DCAF17: variants seen among roughly 807,000 people sequenced by gnomAD.
DCAF17 encodes the protein DDB1 and CUL4 associated factor 17, also known as DDB1- and CUL4-associated factor 17.
In DCAF17, 48 loss-of-function variants were observed where a neutral mutation model predicts 66.0. The ratio of observed to expected loss-of-function variants is 0.73; its 90% CI spans 0.58 to 0.92. The LOEUF (loss-of-function observed/expected upper bound fraction) is 0.92, where lower values mean the gene tolerates loss of function less well. Ranked by LOEUF, DCAF17 falls within the 40% of genes least tolerant of loss-of-function variation. The probability of loss-of-function intolerance (pLI) is 0.00; values close to 1 mark genes in which losing one functional copy is unlikely to be tolerated. For missense variants in DCAF17, 562 were observed against 622.8 expected, an observed-to-expected ratio of 0.90 and a Z score of 1.04; for synonymous variants, 206 against 214.6, an observed-to-expected ratio of 0.96 and a Z score of 0.35.
At position 171,470,755 on chromosome 2, in the gene DCAF17, C is replaced by T. The variant is rs190507277; in HGVS notation, c.981+1725C>T. On this transcript the variant is annotated intron_variant, in intron 9 of 13. Transcript: ENST00000375255. ...CAGTTCACATTCTGGACATTTAACA[C>T]GTATTCTTTTTTATAAGAACTGATA... is the stretch of plus-strand genomic sequence containing the variant. Among the ~76,000 whole-genome samples the T allele has an allele frequency of 1.2e-4, 18 of 152,226 alleles. No individual in the cohort carries two copies. The East Asian group carries it at 2.1e-3, about 18-fold the overall frequency.
chr2:171,467,683 T>A (rs1262752645), intron 8 of DCAF17, among the ~76,000 whole-genome samples: 1 of 147,906 alleles, frequency 6.8e-6, no homozygotes, highest in East Asian at 2.0e-4. Flanking sequence ...TGAGCCAAGA[T>A]TGTGCTACTG....
intron 9 of DCAF17, among the ~76,000 whole-genome samples, chr2:171,473,461 A>G (rs1478822881): frequency 2.0e-5 from 3 of 152,238 alleles, no homozygotes; most frequent in East Asian, 1.9e-4. Flanking sequence ...AACAAACAAC[A>G]TACACCAAAA....
chr2:171,437,931 A>T (rs1694064353), intron 2 of DCAF17, among the ~76,000 whole-genome samples: 1 of 152,194 alleles, frequency 6.6e-6, no homozygotes, highest in South Asian at 2.1e-4. Flanking sequence ...TTCTTTTACT[A>T]GTTTCCTAAG....
intron 5 of DCAF17, among the ~76,000 whole-genome samples, chr2:171,451,763 A>G (rs1027142496): frequency 1.3e-5 from 2 of 151,994 alleles, no homozygotes; most frequent in African/African-American, 2.4e-5. Context: ...TTTACTAGAG[A>G]CGGGGTTTCA....
chr2:171,461,066 T>C (rs1199014434), intron 8 of DCAF17, among the ~76,000 whole-genome samples: 1 of 152,244 alleles, frequency 6.6e-6, no homozygotes, highest in East Asian at 1.9e-4. Flanking sequence ...TTTTTCAATC[T>C]TAAGGTCTAT....
intron 12 of DCAF17, 39 bp downstream of exon 12, chr2:171,478,109 G>A (rs1458440425): frequency 6.6e-7 from 1 of 1,523,252 alleles, no homozygotes; most frequent in Non-Finnish European, 9.1e-7. Context: ...AAACCAGTGT[G>A]TCCTTGCATT....
chr2:171,474,198 T>C (rs575771971), intron 10 of DCAF17: 7 of 549,712 alleles, frequency 1.3e-5, no homozygotes, highest in African/African-American at 9.4e-5. Flanking sequence ...TGATGGATGA[T>C]ATGCAAGTAA....
At chr2:171,445,516 T>C (rs1316109435) in intron 3 of DCAF17, among the ~76,000 whole-genome samples, 1 of 152,204 alleles carries the variant, frequency 6.6e-6, no homozygotes, top group Non-Finnish European at 1.5e-5. Flanking sequence ...TGAATTGTTA[T>C]TAACACACTG....
At chr2:171,466,803 C>T (rs180822496) in intron 8 of DCAF17, among the ~76,000 whole-genome samples, 17 of 148,770 alleles carry the variant, frequency 1.1e-4, no homozygotes, top group African/African-American at 4.2e-4. Flanking sequence ...TTAAATTTCA[C>T]ATTCTCTATA....
chr2:171,441,845 A>T (rs1694322087), intron 2 of DCAF17, among the ~76,000 whole-genome samples: 1 of 152,192 alleles, frequency 6.6e-6, no homozygotes, highest in Non-Finnish European at 1.5e-5. Context: ...TTGTCCTTTT[A>T]TGATTTTCAC....
chr2:171,446,000 C>T (rs1354097726), intron 3 of DCAF17, among the ~76,000 whole-genome samples: 1 of 152,010 alleles, frequency 6.6e-6, no homozygotes, highest in Non-Finnish European at 1.5e-5. Context: ...TTTAAATCTT[C>T]ATGAAACAAC....
rs1465398923 is a variant in DCAF17 at position 171,466,731 on chromosome 2, T to G, written c.839-2157T>G. Reference sequence around the variant, plus strand: ...TTAAGTACATCTGTTTGTACTGTTTTTTTTTTTTTTTCTATTTTGAATTCC... The same window carrying G: ...TTAAGTACATCTGTTTGTACTGTTTGTTTTTTTTTTTCTATTTTGAATTCC... On this transcript the variant is annotated intron_variant, in intron 8 of 13. Transcript: ENST00000375255. Among the ~76,000 whole-genome samples, 3 of 150,170 alleles carry G rather than the reference T, an allele frequency of 2.0e-5. No individual in the cohort carries two copies. In the East Asian group the frequency reaches 5.8e-4, roughly 29 times the overall value.
chr2:171,436,784 T>G (rs1693996672), intron 2 of DCAF17, among the ~76,000 whole-genome samples: 1 of 151,532 alleles, frequency 6.6e-6, no homozygotes, highest in Non-Finnish European at 1.5e-5. Flanking sequence ...ATTTTTTTTT[T>G]TTTTTTTGAG....
At chr2:171,469,129 G>T in intron 9 of DCAF17, 99 bp downstream of exon 9, 1 of 1,354,760 alleles carries the variant, frequency 7.4e-7, no homozygotes. Context: ...ACTTTTTTGT[G>T]CATTTGTATT....
At chr2:171,474,338 T>C (rs1336554062) in intron 10 of DCAF17, 2 of 259,282 alleles carry the variant, frequency 7.7e-6, no homozygotes, top group Non-Finnish European at 1.5e-5. Flanking sequence ...TTGTTTGAAG[T>C]AAATCTTGTT....
rs996260545 is a variant in DCAF17 at position 171,484,785 on chromosome 2, C to T, written c.*3671C>T. On this transcript the variant is annotated 3_prime_UTR_variant, in exon 14 of 14. Transcript: ENST00000375255. The stretch of plus-strand genomic sequence containing the variant: ...CTCAGGTATAACTACTGTTCTCATT[C>T]TTTTATATCAAAGGTTAAATTTACC... 6.6e-6 allele frequency: 3 copies of T among 453,808 alleles called. No homozygotes were observed. The highest frequency in any genetic ancestry group is 6.0e-5 in the African/African-American group (3 of 49,956). The allele number at this position is 453,808 out of a possible 1,614,324, so 28.1% of individuals were successfully genotyped here. A position where few individuals can be genotyped will look rare whatever the true frequency, so the allele number is the denominator to read the frequency against.
intron 4 of DCAF17, among the ~76,000 whole-genome samples, chr2:171,449,112 G>A (rs537824995): frequency 2.0e-4 from 30 of 152,096 alleles, no homozygotes; most frequent in African/African-American, 6.3e-4. Flanking sequence ...AGGTTCAAGC[G>A]ATTCTCCTGA....
intron 8 of DCAF17, among the ~76,000 whole-genome samples, chr2:171,458,761 G>A (rs1199823668): frequency 6.6e-6 from 1 of 152,106 alleles, no homozygotes; most frequent in Non-Finnish European, 1.5e-5. Flanking sequence ...TCTGCAAAAT[G>A]AGTTGCAGCA....
intron 5 of DCAF17, 142 bp from the exon 6 acceptor site, chr2:171,452,982 A>T: frequency 1.9e-6 from 1 of 524,006 alleles, no homozygotes; most frequent in Non-Finnish European, 3.3e-6. Flanking sequence ...TAACTTTGCA[A>T]TCTAGATAGA....
Sources: gnomAD v4.1 joint callset for allele counts (sites outside exome capture counted in the v4.1 genomes callset) on GRCh38, gnomAD v4.1.1 for gene constraint, MANE v1.5 for transcripts, NCBI Gene and HGNC (gene_info 2026-07-23, HGNC 2026-07-21) for gene names.